Variants in PLGRKT observed in about 807,000 individuals in gnomAD.
PLGRKT encodes the protein plasminogen receptor with a C-terminal lysine.
A neutral mutation model predicts 18.5 loss-of-function variants in PLGRKT; 22 were observed. That is an observed-to-expected ratio of 1.19 (90% confidence interval 0.85 to 1.70). The LOEUF is 1.70. PLGRKT is among the 40% of genes most tolerant of loss of function. The probability of loss-of-function intolerance (pLI) is 0.00; values close to 1 mark genes in which losing one functional copy is unlikely to be tolerated. For missense variants in PLGRKT, 235 were observed against 174.4 expected, an observed-to-expected ratio of 1.35 and a Z score of -1.96; for synonymous variants, 72 against 52.8, an observed-to-expected ratio of 1.36 and a Z score of -1.58.
intron 3 of PLGRKT, among the ~76,000 whole-genome samples, chr9:5,413,309 C>T (rs936175672): frequency 1.8e-4 from 27 of 152,120 alleles, no homozygotes; most frequent in Admixed American, 9.8e-4. Flanking sequence ...AACCTAAGTA[C>T]CTGGGGTGGG....
chr9:5,428,608 C>G (rs1305706892), intron 3 of PLGRKT, among the ~76,000 whole-genome samples: 1 of 152,228 alleles, frequency 6.6e-6, no homozygotes, highest in Non-Finnish European at 1.5e-5. Flanking sequence ...TGCCCCTCTC[C>G]CCTAGCTGGA....
chr9:5,372,711 G>C (rs1470809082), intron 3 of PLGRKT, among the ~76,000 whole-genome samples: 2 of 152,100 alleles, frequency 1.3e-5, no homozygotes, highest in African/African-American at 2.4e-5. Flanking sequence ...CACCTCCCAA[G>C]TCTCCTTCAG....
chr9:5,406,633 T>C lies in PLGRKT; in HGVS notation c.81+25264A>G, dbSNP rs12002973. Among the ~76,000 whole-genome samples the C allele has an allele frequency of 7.3e-3, 1,115 of 152,092 alleles. 15 individuals are homozygous for C. The highest frequency in any genetic ancestry group is 0.026 in the African/African-American group (1,072 of 41,470). ...GGGAGGGTGGGCCAGGGGGAGAACA[T>C]TAGGGAAAAGAGCTAATGCGTGCTG... On this transcript the variant is annotated intron_variant, in intron 3 of 5. Transcript: ENST00000223864.
At chr9:5,376,039 A>T (rs2131084186) in intron 3 of PLGRKT, among the ~76,000 whole-genome samples, 1 of 152,382 alleles carries the variant, frequency 6.6e-6, no homozygotes, top group Non-Finnish European at 1.5e-5. Context: ...GGAAATTCTG[A>T]CACATACAAC....
At chr9:5,374,429 C>A (rs1046868544) in intron 3 of PLGRKT, among the ~76,000 whole-genome samples, 1 of 152,330 alleles carries the variant, frequency 6.6e-6, no homozygotes, top group African/African-American at 2.4e-5. Context: ...AAGACATGGT[C>A]TTTAAAAATC....
At chr9:5,415,557 T>G (rs545144612) in intron 3 of PLGRKT, among the ~76,000 whole-genome samples, 1 of 152,040 alleles carries the variant, frequency 6.6e-6, no homozygotes, top group Non-Finnish European at 1.5e-5. Flanking sequence ...AAAGAAAAAA[T>G]AGTAACTTTA....
intron 3 of PLGRKT, among the ~76,000 whole-genome samples, chr9:5,376,687 G>A (rs1817634368): frequency 6.6e-6 from 1 of 152,082 alleles, no homozygotes; most frequent in Non-Finnish European, 1.5e-5. Flanking sequence ...TCCTGATGTG[G>A]AAAATTCTGT....
chr9:5,416,982 T>C (rs1447242609), intron 3 of PLGRKT, among the ~76,000 whole-genome samples: 2 of 152,252 alleles, frequency 1.3e-5, no homozygotes. Flanking sequence ...GCCCTACATT[T>C]TAAGAGACTT....
chr9:5,424,698 A>ACACACCC (rs554487361), intron 3 of PLGRKT, among the ~76,000 whole-genome samples: 1 of 75,380 alleles, frequency 1.3e-5, no homozygotes, highest in African/African-American at 4.6e-5. Context: ...ATATACACAC[A>ACACACCC]GGGGGGGGAG....
intron 3 of PLGRKT, among the ~76,000 whole-genome samples, chr9:5,407,295 T>G (rs765089624): frequency 6.6e-6 from 1 of 152,208 alleles, no homozygotes; most frequent in Non-Finnish European, 1.5e-5. Context: ...GTAAATATAC[T>G]TGAACTGAAC....
chr9:5,369,382 A>G lies in PLGRKT; in HGVS notation c.82-7494T>C, dbSNP rs1398472188. 1.4e-4 allele frequency among the ~76,000 whole-genome samples: 22 copies of G among 152,340 alleles called. No homozygotes were observed. The East Asian group carries it at 2.1e-3, about 15-fold the overall frequency. ...CATTAGAGAAATGCAAATCAAAACC[A>G]CAATGAGATACCATCTCATGCCAGT... On this transcript the variant is annotated intron_variant, in intron 3 of 5. Coordinates refer to ENST00000223864, the MANE Select transcript of PLGRKT (RefSeq NM_018465.4).
intron 3 of PLGRKT, among the ~76,000 whole-genome samples, chr9:5,428,379 T>C (rs936623142): frequency 5.3e-5 from 8 of 152,178 alleles, no homozygotes; most frequent in African/African-American, 1.2e-4. Flanking sequence ...TCTGTTGGAC[T>C]GGACACGAGT....
chr9:5,394,484 C>G (rs1467661805), intron 3 of PLGRKT, among the ~76,000 whole-genome samples: 1 of 151,914 alleles, frequency 6.6e-6, no homozygotes, highest in Non-Finnish European at 1.5e-5. Context: ...GCAATCTCAG[C>G]TCACTGCAAC....
chr9:5,378,772 T>C (rs984678460), intron 3 of PLGRKT, among the ~76,000 whole-genome samples: 2 of 152,132 alleles, frequency 1.3e-5, no homozygotes, highest in African/African-American at 2.4e-5. Flanking sequence ...TTACAAATTA[T>C]AAATAATAAT....
At chr9:5,373,927 G>A (rs1025314183) in intron 3 of PLGRKT, among the ~76,000 whole-genome samples, 4 of 152,210 alleles carry the variant, frequency 2.6e-5, no homozygotes, top group East Asian at 1.9e-4. Flanking sequence ...AGAACAGCCA[G>A]GCATTGGAGC....
chr9:5,388,628 G>C (rs1446318436), intron 3 of PLGRKT, among the ~76,000 whole-genome samples: 1 of 152,072 alleles, frequency 6.6e-6, no homozygotes, highest in African/African-American at 2.4e-5. Flanking sequence ...AATAGCCCAA[G>C]GGCATGAGCC....
intron 3 of PLGRKT, among the ~76,000 whole-genome samples, chr9:5,365,740 G>A (rs1013422930): frequency 6.6e-6 from 1 of 152,180 alleles, no homozygotes; most frequent in African/African-American, 2.4e-5. Flanking sequence ...GTAATGGTAA[G>A]ATGTTAACAG....
intron 3 of PLGRKT, among the ~76,000 whole-genome samples, chr9:5,400,895 T>C (rs896207875): frequency 6.6e-6 from 1 of 151,940 alleles, no homozygotes; most frequent in African/African-American, 2.4e-5. Context: ...AGAAACATTC[T>C]GAGGCACTGC....
Position 5,418,915 on chromosome 9 carries a change from A to G in PLGRKT, c.81+12982T>C. 1 of 840,926 alleles carries G rather than the reference A, an allele frequency of 1.2e-6. No individual in the cohort carries two copies. Among genetic ancestry groups the G allele is most frequent in the Non-Finnish European group, 2.0e-6 (1 of 510,418 alleles). The allele number at this position is 840,926 out of a possible 1,614,324, so 52.1% of individuals were successfully genotyped here. A position where few individuals can be genotyped will look rare whatever the true frequency, so the allele number is the denominator to read the frequency against. On this transcript the variant is annotated intron_variant, in intron 3 of 5. Coordinates refer to ENST00000223864, the MANE Select transcript of PLGRKT (RefSeq NM_018465.4). The surrounding 1 kb of genome is among the most constrained non-coding windows in gnomAD (Gnocchi z 4.2). ...GCAATCCAGCAACTTGGCCTTCACT[A>G]GGGGCTGCAGTAATTAAAACAGATC...
Sources: allele counts gnomAD v4.1 joint callset (sites outside exome capture counted in the v4.1 genomes callset), GRCh38; gene constraint gnomAD v4.1.1; non-coding constraint Gnocchi (gnomAD v3.1); transcripts MANE v1.5; gene names NCBI Gene and HGNC (gene_info 2026-07-23, HGNC 2026-07-21).